The following SCNN1G variants were observed in gnomAD, a reference collection of about 807,000 sequenced individuals.
SCNN1G encodes sodium channel epithelial 1 subunit gamma.
A neutral mutation model predicts 64.6 loss-of-function variants in SCNN1G; 27 were observed. The observed-to-expected ratio is 0.42, with a 90% CI of 0.31 to 0.58. The LOEUF (loss-of-function observed/expected upper bound fraction) is 0.58, where lower values mean the gene tolerates loss of function less well. Ranked by LOEUF, SCNN1G falls within the 20% of genes least tolerant of loss-of-function variation. The pLI is 0.18. For missense variants in SCNN1G, 743 were observed against 823.4 expected, an observed-to-expected ratio of 0.90 and a Z score of 1.19; for synonymous variants, 330 against 314.2, an observed-to-expected ratio of 1.05 and a Z score of -0.53.
At chr16:23,184,806 A>G (rs4073290) in intron 1 of SCNN1G, among the ~76,000 whole-genome samples, 31,490 of 152,076 alleles carry the variant, frequency 0.21, 3,615 homozygotes, top group Admixed American at 0.31. Flanking sequence ...GATGGGGCAC[A>G]TCGAAGTCAC....
Position 23,189,577 on chromosome 16 carries a change from TCA to T in SCNN1G, c.527_528del (p.Thr176ArgfsTer9). ...GAGAAGGGCAAGGCCAGGGACTTCT[TCA>T]CAGGGAGGAAGCGGAAAGTCGGCGG... On this transcript the variant is annotated frameshift_variant, in exon 3 of 13. Transcript: ENST00000300061. LOFTEE classifies it high-confidence loss of function. The T allele has an allele frequency of 1.2e-6, 2 of 1,614,204 alleles. No homozygotes were observed. Among genetic ancestry groups the T allele is most frequent in the South Asian group, 2.2e-5 (2 of 91,090 alleles).
chr16:23,210,395 G>T (rs779243971), intron 7 of SCNN1G, among the ~76,000 whole-genome samples: 43 of 152,274 alleles, frequency 2.8e-4, no homozygotes, highest in Non-Finnish European at 4.3e-4. Context: ...AAAATGAAAC[G>T]ATACAGCAAC....
chr16:23,215,445 T>C lies in SCNN1G; in HGVS notation c.1926T>C (p.Asp642=), dbSNP rs766413130. Residue 642 remains aspartate (D), a synonymous_variant, in exon 13 of 13, where the codon GAT becomes GAC. Transcript: ENST00000300061. ...LERAFSNQLT[D]TQMLDEL ...GGGCCTTTTCCAACCAGCTCACAGATACCCAGATGCTGGATGAGCTCTGAG... is the reference window on the plus strand; with the variant it reads ...GGGCCTTTTCCAACCAGCTCACAGACACCCAGATGCTGGATGAGCTCTGAG... 4.3e-6 allele frequency: 7 copies of C among 1,611,918 alleles called. No individual in the cohort carries two copies. The highest frequency in any genetic ancestry group is 3.3e-5 in the Admixed American group (2 of 59,994).
Position 23,215,875 on chromosome 16 carries a change from A to C in SCNN1G, c.*406A>C. The C allele has an allele frequency of 3.5e-6, 1 of 283,812 alleles. No individual in the cohort carries two copies. The highest frequency in any genetic ancestry group is 6.8e-6 in the Non-Finnish European group (1 of 147,694). 17.6% of individuals were successfully genotyped at this position (283,812 alleles called of 1,614,324 possible). A position where few individuals can be genotyped will look rare whatever the true frequency, so the allele number is the denominator to read the frequency against. On this transcript the variant is annotated 3_prime_UTR_variant, in exon 13 of 13. Coordinates refer to ENST00000300061, the MANE Select transcript of SCNN1G (RefSeq NM_001039.4). ...ACACTGCCAGCCTGGGTTGGGGCCC[A>C]AGGATGTGACCTTGAGTGTCAAGGC... is the stretch of plus-strand genomic sequence containing the variant.
chr16:23,204,262 G>C (rs2141939351), intron 6 of SCNN1G, among the ~76,000 whole-genome samples: 1 of 135,872 alleles, frequency 7.4e-6, no homozygotes. Flanking sequence ...CTGGGTGGCA[G>C]AGTGATACTC....
intron 6 of SCNN1G, among the ~76,000 whole-genome samples, chr16:23,200,910 A>G (rs1427549399): frequency 1.3e-5 from 2 of 152,196 alleles, no homozygotes; most frequent in African/African-American, 2.4e-5. Context: ...AAAGGACAAC[A>G]CTGGACAAGG....
chr16:23,204,731 G>T (rs1959962747), intron 6 of SCNN1G, among the ~76,000 whole-genome samples: 1 of 151,978 alleles, frequency 6.6e-6, no homozygotes, highest in South Asian at 2.1e-4. Context: ...TTATGTTAAT[G>T]AGAGTTCTTC....
At chr16:23,187,689 C>A (rs1223493769) in intron 2 of SCNN1G, among the ~76,000 whole-genome samples, 5 of 152,166 alleles carry the variant, frequency 3.3e-5, no homozygotes, top group Non-Finnish European at 5.9e-5. Context: ...TCTGAATAAA[C>A]CCAGCCCCAT....
chr16:23,199,698 G>A (rs552447684), intron 6 of SCNN1G, among the ~76,000 whole-genome samples: 1 of 98,462 alleles, frequency 1.0e-5, no homozygotes, highest in African/African-American at 4.0e-5. Flanking sequence ...TTGAGACAGA[G>A]TGTCACTCTG....
At chr16:23,187,935 G>A (rs984502950) in intron 2 of SCNN1G, among the ~76,000 whole-genome samples, 17 of 152,134 alleles carry the variant, frequency 1.1e-4, no homozygotes, top group Admixed American at 1.0e-3. Flanking sequence ...CAGTGAGTTG[G>A]TGCAAAGCTC....
chr16:23,195,234 G>A (rs530871422), intron 5 of SCNN1G, among the ~76,000 whole-genome samples: 87 of 152,214 alleles, frequency 5.7e-4, no homozygotes, highest in African/African-American at 2.0e-3. Context: ...CACACAATAA[G>A]TGCTAGTTGC....
intron 1 of SCNN1G, among the ~76,000 whole-genome samples, chr16:23,183,111 G>A (rs1959547799): frequency 6.6e-6 from 1 of 152,250 alleles, no homozygotes; most frequent in South Asian, 2.1e-4. Context: ...CGCCTGTTCA[G>A]CCCCCTTCCC....
intron 2 of SCNN1G, among the ~76,000 whole-genome samples, chr16:23,188,220 A>G (rs1306737082): frequency 6.6e-6 from 1 of 152,244 alleles, no homozygotes; most frequent in Non-Finnish European, 1.5e-5. Context: ...CACTAATATA[A>G]CTAACAATAG....
chr16:23,203,801 T>TCTGATGG (rs1422094887), intron 6 of SCNN1G, among the ~76,000 whole-genome samples: 1 of 125,560 alleles, frequency 8.0e-6, no homozygotes, highest in Non-Finnish European at 1.6e-5. Flanking sequence ...AAAAAAGAGC[T>TCTGATGG]CTGATGGCTG....
chr16:23,215,037 G>T (rs1960137189), intron 12 of SCNN1G, 52 bp from the exon 13 acceptor site: 2 of 1,610,988 alleles, frequency 1.2e-6, no homozygotes, highest in South Asian at 2.2e-5. Flanking sequence ...CCTGTGTGAG[G>T]CCAACTTGGG....
chr16:23,194,109 G>A (rs1446126458), intron 4 of SCNN1G, 62 bp from the exon 5 acceptor site: 4 of 1,148,106 alleles, frequency 3.5e-6, no homozygotes, highest in East Asian at 4.7e-5. Flanking sequence ...GCACTGCCCT[G>A]CCCAACTTCA....
intron 6 of SCNN1G, among the ~76,000 whole-genome samples, chr16:23,205,501 C>T (rs1200598018): frequency 6.6e-6 from 1 of 152,058 alleles, no homozygotes; most frequent in Non-Finnish European, 1.5e-5. Flanking sequence ...AGTTCAAGAC[C>T]AGCCTGACCA....
At chr16:23,185,487 G>A (rs1959591281) in intron 1 of SCNN1G, among the ~76,000 whole-genome samples, 1 of 152,136 alleles carries the variant, frequency 6.6e-6, no homozygotes, top group East Asian at 1.9e-4. Flanking sequence ...TAAATCAAGG[G>A]CATTCTCTAA....
Position 23,198,316 on chromosome 16 carries a change from T to C in SCNN1G, c.1077+889T>C, listed in dbSNP as rs547843866. Among the ~76,000 whole-genome samples the C allele has an allele frequency of 3.9e-5, 6 of 152,224 alleles. No individual in the cohort carries two copies. The East Asian group carries it at 5.8e-4, about 15-fold the overall frequency. Reference sequence around the variant, plus strand: ...GGGAGCTGAATGGCAAGATGAAGAGTGGACTCTGATGGCCTTGGTCACTCC... The same window carrying C: ...GGGAGCTGAATGGCAAGATGAAGAGCGGACTCTGATGGCCTTGGTCACTCC... On this transcript the variant is annotated intron_variant, in intron 6 of 12. Coordinates refer to ENST00000300061, the MANE Select transcript of SCNN1G (RefSeq NM_001039.4).
Sources: allele counts gnomAD v4.1 joint callset (sites outside exome capture counted in the v4.1 genomes callset), GRCh38; gene constraint gnomAD v4.1.1; transcripts MANE v1.5; gene names NCBI Gene and HGNC (gene_info 2026-07-23, HGNC 2026-07-21).